The following RABEP1 variants were observed in gnomAD, a reference collection of about 807,000 sequenced individuals.
RABEP1 encodes rab GTPase-binding effector protein 1.
Under a neutral mutation model 123.4 loss-of-function variants are expected in RABEP1, and 51 were observed. The ratio of observed to expected loss-of-function variants is 0.41; its 90% CI spans 0.33 to 0.52. The LOEUF (loss-of-function observed/expected upper bound fraction) is 0.52. Among genes scored for constraint, RABEP1 ranks in the 20% least tolerant of loss-of-function variants. The pLI is 0.16. For missense variants in RABEP1, 888 were observed against 996.3 expected (o/e 0.89, Z 1.46); for synonymous variants, 347 against 355.2 (o/e 0.98, Z 0.26).
At chr17:5,317,141 A>G (rs1025356718) in intron 2 of RABEP1, among the ~76,000 whole-genome samples, 27 of 152,148 alleles carry the variant, frequency 1.8e-4, no homozygotes, top group African/African-American at 6.3e-4. Flanking sequence ...ACCAAGGAAG[A>G]CATCACAAGA....
At chr17:5,316,374 C>T (rs1433623841) in intron 2 of RABEP1, among the ~76,000 whole-genome samples, 2 of 124,588 alleles carry the variant, frequency 1.6e-5, no homozygotes, top group Admixed American at 1.1e-4. Flanking sequence ...GGCTTGAACC[C>T]GGGAGGTGGA....
At chr17:5,330,395 C>G (rs911863138) in intron 2 of RABEP1, among the ~76,000 whole-genome samples, 2 of 152,216 alleles carry the variant, frequency 1.3e-5, no homozygotes, top group East Asian at 3.8e-4. Flanking sequence ...GTGTTTCCCT[C>G]TGTGACTTTG....
rs560944016 is a variant in RABEP1, at chr17:5,308,748, G to A, written c.89G>A (p.Arg30His). The A allele has an allele frequency of 3.8e-5, 62 of 1,612,096 alleles. 2 individuals are homozygous for A. Among genetic ancestry groups the A allele is most frequent in the South Asian group, 1.5e-4 (14 of 90,768 alleles). ...GAAAAAATTAATGCAGAATTTTTAC[G>A]TGCACAACAGCAGCTTGAACAAGAA... ...ELEKINAEFL[R>H]AQQQLEQEFN... is the part of the protein sequence containing the mutation. Residue 30 changes from arginine (R) to histidine (H), a missense_variant, in exon 2 of 18, where the codon CGT becomes CAT. Arg to His is a conservative substitution (Grantham distance 29). Coordinates refer to ENST00000537505, the MANE Select transcript of RABEP1 (RefSeq NM_004703.6).
chr17:5,299,266 T>C (rs1316234377), intron 1 of RABEP1, among the ~76,000 whole-genome samples: 1 of 152,124 alleles, frequency 6.6e-6, no homozygotes, highest in Non-Finnish European at 1.5e-5. Flanking sequence ...AGGCTTATCT[T>C]GTACACTTCC....
intron 2 of RABEP1, among the ~76,000 whole-genome samples, chr17:5,320,934 G>A (rs892714506): frequency 3.9e-5 from 6 of 152,208 alleles, no homozygotes; most frequent in African/African-American, 9.6e-5. Flanking sequence ...AACACTGAAT[G>A]TATATGGACT....
chr17:5,377,124 G>A lies in RABEP1; in HGVS notation c.2034G>A (p.Arg678=), dbSNP rs1281239469. The change falls in exon 14 of 18, where the codon CGG becomes CGA. Residue 678 remains arginine (R), a synonymous_variant. Coordinates refer to ENST00000537505, the MANE Select transcript of RABEP1 (RefSeq NM_004703.6). The stretch of plus-strand genomic sequence containing the variant: ...TTGTTTCTTGAATCCAGGCACTGCG[G>A]GAGTTGGTATTAAAATACCGTGAGG... ...FILPDTTEAL[R]ELVLKYREDI... 4.4e-6 allele frequency: 7 copies of A among 1,596,538 alleles called. No individual in the cohort carries two copies. Among genetic ancestry groups the A allele is most frequent in the Non-Finnish European group, 6.0e-6 (7 of 1,175,748 alleles).
At chr17:5,321,154 A>G (rs1471003735) in intron 2 of RABEP1, among the ~76,000 whole-genome samples, 1 of 151,880 alleles carries the variant, frequency 6.6e-6, no homozygotes, top group Non-Finnish European at 1.5e-5. Flanking sequence ...TACAAAAAAT[A>G]AAACTGGCTG....
At chr17:5,319,266 T>C (rs1471952217) in intron 2 of RABEP1, among the ~76,000 whole-genome samples, 4 of 146,962 alleles carry the variant, frequency 2.7e-5, no homozygotes, top group African/African-American at 7.6e-5. Flanking sequence ...GAGGCAGAGA[T>C]TGCAGTGAGC....
intron 8 of RABEP1, among the ~76,000 whole-genome samples, chr17:5,354,903 A>T (rs1424638743): frequency 6.6e-6 from 1 of 152,176 alleles, no homozygotes; most frequent in Non-Finnish European, 1.5e-5. Context: ...TTAGGTTTTC[A>T]TCCCTGACGG....
At chr17:5,310,969 C>T (rs2075233632) in intron 2 of RABEP1, among the ~76,000 whole-genome samples, 1 of 151,822 alleles carries the variant, frequency 6.6e-6, no homozygotes, top group Admixed American at 6.6e-5. Context: ...GCCACCACGC[C>T]CTGCTAATTT....
chr17:5,384,110 G>A lies in RABEP1; in HGVS notation c.*887G>A, dbSNP rs1019796580. 3.3e-5 allele frequency: 7 copies of A among 213,274 alleles called. No individual in the cohort carries two copies. The highest frequency in any genetic ancestry group is 1.4e-3 in the Middle Eastern group (1 of 698). 13.2% of individuals were successfully genotyped at this position (213,274 alleles called of 1,614,324 possible). ...TTTCAACTTGGATCATTAGGCTTAC[G>A]TACTACTTGTTTCAAATGTGTCAAA... On this transcript the variant is annotated 3_prime_UTR_variant, in exon 18 of 18. Coordinates refer to ENST00000537505, the MANE Select transcript of RABEP1 (RefSeq NM_004703.6).
At chr17:5,301,504 A>G (rs900101292) in intron 1 of RABEP1, among the ~76,000 whole-genome samples, 1 of 152,174 alleles carries the variant, frequency 6.6e-6, no homozygotes, top group East Asian at 1.9e-4. Context: ...CCTGTCCACA[A>G]ACTGTTTTTA....
intron 1 of RABEP1, among the ~76,000 whole-genome samples, chr17:5,305,322 A>G (rs1034153239): frequency 6.6e-6 from 1 of 152,206 alleles, no homozygotes; most frequent in Non-Finnish European, 1.5e-5. Context: ...TCAAAAGATC[A>G]TGATTTCTAG....
chr17:5,302,158 T>C (rs1005854270), intron 1 of RABEP1, among the ~76,000 whole-genome samples: 5 of 151,924 alleles, frequency 3.3e-5, no homozygotes, highest in African/African-American at 1.2e-4. Flanking sequence ...GGTGTGAAAT[T>C]TCAGATACTA....
chr17:5,385,109 C>G lies in RABEP1; in HGVS notation c.*1886C>G, dbSNP rs1220939140. On this transcript the variant is annotated 3_prime_UTR_variant, in exon 18 of 18. Transcript: ENST00000537505. The stretch of plus-strand genomic sequence containing the variant: ...ACAATTAGGGAATGGTTAGTGGTCT[C>G]TACTGTGGCAAATGCCAACTGTTGG... 1.3e-5 allele frequency: 3 copies of G among 229,460 alleles called. No homozygotes were observed. Among genetic ancestry groups the G allele is most frequent in the African/African-American group, 6.6e-5 (3 of 45,172 alleles). The allele number at this position is 229,460 out of a possible 1,614,324, so 14.2% of individuals were successfully genotyped here.
At chr17:5,308,893 TG>T in intron 2 of RABEP1, 71 bp downstream of exon 2, 5 of 1,368,392 alleles carry the variant, frequency 3.7e-6, no homozygotes, top group Non-Finnish European at 4.9e-6. Flanking sequence ...TTGGTAGTAG[TG>T]TTAATTTTAT....
intron 5 of RABEP1, among the ~76,000 whole-genome samples, chr17:5,338,904 C>T (rs949783015): frequency 6.6e-6 from 1 of 152,108 alleles, no homozygotes; most frequent in Non-Finnish European, 1.5e-5. Flanking sequence ...CACCTGTAAT[C>T]CCAATACTTC....
chr17:5,299,828 C>G (rs1330953759), intron 1 of RABEP1, among the ~76,000 whole-genome samples: 4 of 143,716 alleles, frequency 2.8e-5, no homozygotes, highest in Admixed American at 7.3e-5. Flanking sequence ...CTCCTGGGTT[C>G]AAGCGATTCT....
intron 1 of RABEP1, among the ~76,000 whole-genome samples, chr17:5,287,087 C>T (rs375343297): frequency 6.6e-5 from 10 of 152,174 alleles, no homozygotes; most frequent in East Asian, 3.9e-4. Context: ...AATGATGTTA[C>T]GGGGCCTGGG....
Sources: allele counts gnomAD v4.1 joint callset (sites outside exome capture counted in the v4.1 genomes callset), GRCh38; gene constraint gnomAD v4.1.1; transcripts MANE v1.5; gene names NCBI Gene and HGNC (gene_info 2026-07-23, HGNC 2026-07-21).